Variants in MAML2 observed in about 807,000 individuals in gnomAD.
The protein encoded by MAML2 is mastermind-like protein 2.
MAML2 carries 22 observed loss-of-function variants against 96.1 expected under a neutral mutation model. The ratio of observed to expected loss-of-function variants is 0.23; its 90% CI spans 0.16 to 0.33. MAML2 has a LOEUF of 0.33. Among genes scored for constraint, MAML2 ranks in the 10% least tolerant of loss-of-function variants. The pLI is 1.00. For synonymous variants in MAML2, 561 were observed against 521.3 expected (o/e 1.08, Z -1.04); for missense variants, 1,367 against 1,392.4 (o/e 0.98, Z 0.29).
chr11:96,035,713 G>T (rs920290125), intron 2 of MAML2, among the ~76,000 whole-genome samples: 6 of 152,232 alleles, frequency 3.9e-5, no homozygotes, highest in African/African-American at 1.4e-4. Flanking sequence ...GGTTCTCTAA[G>T]ACTCCACTGT....
chr11:96,136,330 A>G (rs1860631637), intron 1 of MAML2, among the ~76,000 whole-genome samples: 1 of 151,958 alleles, frequency 6.6e-6, no homozygotes, highest in African/African-American at 2.4e-5. Flanking sequence ...TAATACATAC[A>G]CACATACATA....
chr11:96,041,975 AT>A (rs549945518), intron 2 of MAML2, among the ~76,000 whole-genome samples: 4,149 of 121,738 alleles, frequency 0.034, 128 homozygotes, highest in African/African-American at 0.086. Context: ...CGCCCGGCTA[AT>A]TTTTTTTTTT....
At chr11:96,257,136 A>G (rs1862679354) in intron 1 of MAML2, among the ~76,000 whole-genome samples, 1 of 152,228 alleles carries the variant, frequency 6.6e-6, no homozygotes, top group Non-Finnish European at 1.5e-5. Flanking sequence ...AGCATTTCCA[A>G]TTTTACAGTA....
At chr11:95,981,508 T>C (rs1228663893) in intron 4 of MAML2, among the ~76,000 whole-genome samples, 1 of 152,216 alleles carries the variant, frequency 6.6e-6, no homozygotes, top group Non-Finnish European at 1.5e-5. Context: ...AAACGTGGGC[T>C]ATCCCCTGCT....
At chr11:96,281,921 C>A (rs1863073073) in intron 1 of MAML2, among the ~76,000 whole-genome samples, 1 of 151,990 alleles carries the variant, frequency 6.6e-6, no homozygotes, top group South Asian at 2.1e-4. Context: ...ACTGAGCAAA[C>A]AAACTACCAT....
At chr11:96,106,980 C>CTTTTTTTTTTTTTTTTTTTTT (rs71040129) in intron 1 of MAML2, among the ~76,000 whole-genome samples, 3 of 90,298 alleles carry the variant, frequency 3.3e-5, no homozygotes, top group African/African-American at 4.1e-5. Flanking sequence ...GAAAAGAGTC[C>CTTTTTTTTTTTTTTTTTTTTT]TTTTTTTTTT....
At chr11:96,061,972 C>T (rs566462857) in intron 2 of MAML2, among the ~76,000 whole-genome samples, 1 of 151,912 alleles carries the variant, frequency 6.6e-6, no homozygotes, top group Non-Finnish European at 1.5e-5. Flanking sequence ...TAGCAAAATG[C>T]GAAACTATCA....
intron 2 of MAML2, among the ~76,000 whole-genome samples, chr11:96,005,069 C>A (rs1858156095): frequency 6.6e-6 from 1 of 152,206 alleles, no homozygotes; most frequent in African/African-American, 2.4e-5. Context: ...ATCAGTGGAA[C>A]AGGCCCTCAC....
intron 1 of MAML2, among the ~76,000 whole-genome samples, chr11:96,340,665 T>C (rs77228952): frequency 0.064 from 9,741 of 152,284 alleles, 522 homozygotes; most frequent in East Asian, 0.3. Context: ...CGTGCCTGTC[T>C]GCTTAACGAA....
At chr11:96,114,967 A>G (rs1565219046) in intron 1 of MAML2, among the ~76,000 whole-genome samples, 2 of 152,162 alleles carry the variant, frequency 1.3e-5, no homozygotes, top group Non-Finnish European at 2.9e-5. Context: ...GGCAGCCGGT[A>G]TGGAGGTTGG....
chr11:96,088,039 G>A (rs1302314710), intron 2 of MAML2, among the ~76,000 whole-genome samples: 1 of 152,176 alleles, frequency 6.6e-6, no homozygotes, highest in Admixed American at 6.5e-5. Context: ...TCATCCTTAA[G>A]ATTAGATATA....
rs920214010 is a variant in MAML2, at chr11:95,977,102, C to A, written c.*1846G>T. ...TAGTTTTCAAAAGTTCCCACTCAAC[C>A]ACCTATGGTTTAAGTGTAGAGCTAA... On this transcript the variant is annotated 3_prime_UTR_variant, in exon 5 of 5. Transcript: ENST00000524717. 42 of 198,522 alleles carry A rather than the reference C, an allele frequency of 2.1e-4. No individual in the cohort carries two copies. The highest frequency in any genetic ancestry group is 9.4e-4 in the African/African-American group (41 of 43,446). 12.3% of individuals were successfully genotyped at this position (198,522 alleles called of 1,614,324 possible).
chr11:96,013,090 T>G (rs761814298), intron 2 of MAML2, among the ~76,000 whole-genome samples: 4 of 152,198 alleles, frequency 2.6e-5, no homozygotes, highest in Admixed American at 6.5e-5. Context: ...TGTAAACTGC[T>G]AGGAGCTCAG....
intron 1 of MAML2, among the ~76,000 whole-genome samples, chr11:96,170,612 T>A (rs1196051898): frequency 6.6e-6 from 1 of 152,270 alleles, no homozygotes; most frequent in East Asian, 1.9e-4. Flanking sequence ...GTTTGATGCG[T>A]GGATTATCAG....
intron 1 of MAML2, among the ~76,000 whole-genome samples, chr11:96,265,679 C>G (rs1042363030): frequency 5.3e-5 from 8 of 152,174 alleles, no homozygotes; most frequent in African/African-American, 1.7e-4. Context: ...AGCACATTGG[C>G]AGAGGAACAC....
chr11:96,030,016 G>A (rs1057304591), intron 2 of MAML2, among the ~76,000 whole-genome samples: 5 of 152,080 alleles, frequency 3.3e-5, no homozygotes, highest in Non-Finnish European at 5.9e-5. Context: ...GGTGGATCAC[G>A]AGGTCAGACG....
intron 4 of MAML2, among the ~76,000 whole-genome samples, chr11:95,980,820 G>A (rs1329561916): frequency 6.6e-6 from 1 of 152,204 alleles, no homozygotes; most frequent in East Asian, 1.9e-4. Context: ...TTAAACTGAT[G>A]CCTGTCAATA....
chr11:96,224,246 T>C (rs962056388), intron 1 of MAML2, among the ~76,000 whole-genome samples: 5 of 152,194 alleles, frequency 3.3e-5, no homozygotes, highest in Non-Finnish European at 5.9e-5. Context: ...ATGATCCACA[T>C]TTTAAAATTC....
intron 1 of MAML2, among the ~76,000 whole-genome samples, chr11:96,326,060 T>C (rs969835971): frequency 3.3e-5 from 5 of 152,018 alleles, no homozygotes; most frequent in Non-Finnish European, 7.4e-5. Context: ...TAAATTTCTC[T>C]TGTTCCTTTG....
Sources: gnomAD v4.1 joint callset for allele counts (sites outside exome capture counted in the v4.1 genomes callset) on GRCh38, gnomAD v4.1.1 for gene constraint, MANE v1.5 for transcripts, NCBI Gene and HGNC (gene_info 2026-07-23, HGNC 2026-07-21) for gene names.